ZC4H2: variants seen among roughly 807,000 people sequenced by gnomAD.
The protein encoded by ZC4H2 is zinc finger C4H2-type containing, also known as zinc finger C4H2 domain-containing protein.
For synonymous variants in ZC4H2, 84 were observed against 66.3 expected (o/e 1.27, Z -1.30); for missense variants, 137 against 173.9 (o/e 0.79, Z 1.19).
At chrX:65,029,283 A>G (rs1932911406) in intron 1 of ZC4H2, among the ~76,000 whole-genome samples, 1 of 112,391 alleles carries the variant, frequency 8.9e-6, no homozygotes, top group Non-Finnish European at 1.9e-5. Context: ...AAACATACTG[A>G]AAAGTGTCCA....
intron 1 of ZC4H2, among the ~76,000 whole-genome samples, chrX:64,995,969 TTTGC>T (rs1250334623): frequency 9.1e-6 from 1 of 110,139 alleles, no homozygotes; most frequent in Non-Finnish European, 1.9e-5. Flanking sequence ...TCTGGGGGAG[TTTGC>T]TTGGGAAATC....
chrX:64,962,225 A>T (rs1187919723), intron 1 of ZC4H2, among the ~76,000 whole-genome samples: 1 of 111,843 alleles, frequency 8.9e-6, no homozygotes, highest in African/African-American at 3.2e-5. Flanking sequence ...GGCCAGTGGA[A>T]TTTATCCCTG....
intron 1 of ZC4H2, among the ~76,000 whole-genome samples, chrX:64,956,430 C>A (rs945607827): frequency 9.0e-6 from 1 of 110,908 alleles, no homozygotes; most frequent in Non-Finnish European, 1.9e-5. Flanking sequence ...TGCATGCAGC[C>A]ATCTATAGAA....
intron 1 of ZC4H2, among the ~76,000 whole-genome samples, chrX:64,949,175 C>T (rs1354300191): frequency 9.0e-5 from 10 of 111,382 alleles, no homozygotes; most frequent in Middle Eastern, 4.6e-3. Flanking sequence ...ACACTAATGC[C>T]AGGGTGAAAT....
At chrX:65,020,374 C>T (rs1569232356) in intron 1 of ZC4H2, among the ~76,000 whole-genome samples, 2 of 111,322 alleles carry the variant, frequency 1.8e-5, no homozygotes, top group African/African-American at 6.5e-5. Context: ...AGTGTGGGGG[C>T]CAATATTCAG....
intron 1 of ZC4H2, among the ~76,000 whole-genome samples, chrX:65,019,005 G>A (rs1006515950): frequency 1.8e-5 from 2 of 111,737 alleles, no homozygotes; most frequent in Non-Finnish European, 3.8e-5. Flanking sequence ...TCTGCGCAGG[G>A]CATCTCTGAA....
intron 1 of ZC4H2, among the ~76,000 whole-genome samples, chrX:64,999,068 T>TTTTTTTTA (rs1555948665): frequency 9.2e-5 from 7 of 75,759 alleles, no homozygotes; most frequent in African/African-American, 2.7e-4. Context: ...TTTTTTTTTT[T>TTTTTTTTA]AATCTATTCT....
chrX:64,952,990 C>T (rs1454614651), intron 1 of ZC4H2, among the ~76,000 whole-genome samples: 1 of 111,569 alleles, frequency 9.0e-6, no homozygotes, highest in Admixed American at 9.5e-5. Context: ...ACCAATGGAA[C>T]AGAACAGAAC....
At chrX:64,977,958 C>CAGTT (rs1931997337), upstream of ZC4H2, among the ~76,000 whole-genome samples, 1 of 111,643 alleles carries the variant, frequency 9.0e-6, no homozygotes. Context: ...AGGTAAGAGG[C>CAGTT]AGTTACTCAG....
At chrX:64,993,041 G>A (rs1932339596) in intron 1 of ZC4H2, among the ~76,000 whole-genome samples, 1 of 111,956 alleles carries the variant, frequency 8.9e-6, no homozygotes, top group African/African-American at 3.2e-5. Context: ...ACTTCTGCAA[G>A]CAAGGCTGTT....
At chrX:65,024,683 G>A (rs1173723896) in intron 1 of ZC4H2, among the ~76,000 whole-genome samples, 1 of 111,974 alleles carries the variant, frequency 8.9e-6, no homozygotes, top group Non-Finnish European at 1.9e-5. Context: ...ATTAAATGTG[G>A]TATATATACA....
chrX:64,989,218 A>G (rs1178391994), intron 1 of ZC4H2, among the ~76,000 whole-genome samples: 2 of 111,811 alleles, frequency 1.8e-5, no homozygotes, highest in African/African-American at 6.5e-5. Context: ...CTTTGGTTCC[A>G]TATGAACTTT....
At chrX:65,003,832 G>A (rs762124533) in intron 1 of ZC4H2, among the ~76,000 whole-genome samples, 1 of 107,439 alleles carries the variant, frequency 9.3e-6, no homozygotes, top group East Asian at 2.9e-4. Context: ...AACCAAGATC[G>A]CACCACTGCA....
At chrX:64,949,744 CTTT>C (rs1930702217) in intron 1 of ZC4H2, among the ~76,000 whole-genome samples, 1 of 111,161 alleles carries the variant, frequency 9.0e-6, no homozygotes, top group African/African-American at 3.3e-5. Context: ...CTCTTTTCTT[CTTT>C]ATTAGTCTTG....
chrX:64,972,683 C>T (rs892452787), intron 1 of ZC4H2, among the ~76,000 whole-genome samples: 3 of 111,419 alleles, frequency 2.7e-5, no homozygotes, highest in African/African-American at 6.5e-5. Flanking sequence ...TGTCCTTATC[C>T]GTAAAGTGGG....
intron 1 of ZC4H2, among the ~76,000 whole-genome samples, chrX:65,003,940 C>T (rs1259657932): frequency 9.0e-6 from 1 of 110,630 alleles, no homozygotes; most frequent in Admixed American, 9.6e-5. Flanking sequence ...AAACTAACAC[C>T]AGATAATACT....
intron 1 of ZC4H2, among the ~76,000 whole-genome samples, chrX:65,004,982 T>C (rs1397395437): frequency 9.0e-6 from 1 of 111,371 alleles, no homozygotes; most frequent in Non-Finnish European, 1.9e-5. Context: ...CCATTCACAA[T>C]TGCTACAAAG....
intron 1 of ZC4H2, among the ~76,000 whole-genome samples, chrX:64,967,865 T>C (rs1186086078): frequency 8.9e-6 from 1 of 112,130 alleles, no homozygotes; most frequent in Non-Finnish European, 1.9e-5. Context: ...TATGCCATAT[T>C]TCTCTCTTTA....
intron 1 of ZC4H2, among the ~76,000 whole-genome samples, chrX:64,949,657 G>A (rs752740662): frequency 1.8e-5 from 2 of 111,701 alleles, no homozygotes; most frequent in Middle Eastern, 4.6e-3. Context: ...AGTATTCTCT[G>A]ATGGTAGTTT....
Sources: gnomAD v4.1 joint callset for allele counts (sites outside exome capture counted in the v4.1 genomes callset) on GRCh38, gnomAD v4.1.1 for gene constraint, MANE v1.5 for transcripts, NCBI Gene and HGNC (gene_info 2026-07-23, HGNC 2026-07-21) for gene names.